Variants in CFAP299 observed in about 807,000 individuals in gnomAD.
CFAP299 encodes cilia- and flagella-associated protein 299.
CFAP299 carries 21 observed loss-of-function variants against 27.0 expected under a neutral mutation model. That is an observed-to-expected ratio of 0.78 (90% CI 0.55 to 1.12). The LOEUF (loss-of-function observed/expected upper bound fraction) is 1.12. CFAP299 is among the 50% of genes most tolerant of loss of function. The probability of loss-of-function intolerance (pLI) is 0.00; values close to 1 mark genes in which losing one functional copy is unlikely to be tolerated. For missense variants in CFAP299, 310 were observed against 276.6 expected (o/e 1.12, Z -0.86); for synonymous variants, 104 against 98.1 (o/e 1.06, Z -0.36).
chr4:80,814,254 T>C (rs182019329), intron 3 of CFAP299, among the ~76,000 whole-genome samples: 16 of 152,202 alleles, frequency 1.1e-4, no homozygotes, highest in African/African-American at 3.8e-4. Flanking sequence ...TCCTTCAAAA[T>C]GTTTATTGAG....
chr4:80,627,937 T>TC (rs1394974961), intron 3 of CFAP299, among the ~76,000 whole-genome samples: 1 of 151,984 alleles, frequency 6.6e-6, no homozygotes, highest in African/African-American at 2.4e-5. Flanking sequence ...TCAACAGAAT[T>TC]CCTATCAAAA....
intron 2 of CFAP299, among the ~76,000 whole-genome samples, chr4:80,370,976 G>C (rs1241844815): frequency 6.6e-6 from 1 of 152,246 alleles, no homozygotes; most frequent in East Asian, 1.9e-4. Flanking sequence ...TTCTCCATGA[G>C]GGTTCTGCCC....
chr4:80,353,977 GA>G (rs1212252925), intron 1 of CFAP299, among the ~76,000 whole-genome samples: 1 of 152,168 alleles, frequency 6.6e-6, no homozygotes, highest in Non-Finnish European at 1.5e-5. Context: ...TTTGGAGTAA[GA>G]ACTATTAAGA....
chr4:80,434,346 A>G (rs543665917), intron 2 of CFAP299, among the ~76,000 whole-genome samples: 1 of 152,178 alleles, frequency 6.6e-6, no homozygotes, highest in Admixed American at 6.5e-5. Flanking sequence ...ACCTGTTGCT[A>G]TGGAGTAAGG....
chr4:80,926,545 T>C (rs1215643745), intron 4 of CFAP299, among the ~76,000 whole-genome samples: 1 of 151,854 alleles, frequency 6.6e-6, no homozygotes, highest in Admixed American at 6.6e-5. Flanking sequence ...CTGTAAGACG[T>C]GATGAAAGAC....
intron 4 of CFAP299, among the ~76,000 whole-genome samples, chr4:80,910,114 A>G (rs1028899885): frequency 5.3e-5 from 8 of 152,126 alleles, no homozygotes; most frequent in Non-Finnish European, 1.0e-4. Context: ...TCACATCTAA[A>G]CTTTACCCCA....
At chr4:80,521,768 T>C in intron 2 of CFAP299, among the ~76,000 whole-genome samples, 1 of 151,886 alleles carries the variant, frequency 6.6e-6, no homozygotes, top group Non-Finnish European at 1.5e-5. Context: ...GGTTCATCCA[T>C]ATTGTAGCAC....
chr4:80,747,651 A>G (rs1724699339), intron 3 of CFAP299, among the ~76,000 whole-genome samples: 1 of 152,030 alleles, frequency 6.6e-6, no homozygotes, highest in Non-Finnish European at 1.5e-5. Context: ...ACTTGACTAC[A>G]TAGTAGTTCA....
intron 5 of CFAP299, among the ~76,000 whole-genome samples, chr4:80,962,489 G>A (rs139401802): frequency 1.3e-3 from 200 of 151,810 alleles, no homozygotes; most frequent in African/African-American, 4.7e-3. Context: ...CATGGCACAT[G>A]TATACATATG....
At chr4:80,802,681 A>G (rs999022746) in intron 3 of CFAP299, among the ~76,000 whole-genome samples, 25 of 152,118 alleles carry the variant, frequency 1.6e-4, no homozygotes, top group Non-Finnish European at 2.8e-4. Context: ...TATCTCCTTC[A>G]CTAAGCATAA....
chr4:80,863,210 T>C (rs192644361), intron 3 of CFAP299, among the ~76,000 whole-genome samples: 1 of 152,032 alleles, frequency 6.6e-6, no homozygotes, highest in East Asian at 1.9e-4. Flanking sequence ...GCTTTTTTTT[T>C]TTTTTTTAAG....
At chr4:80,937,021 A>T (rs1387515087) in intron 4 of CFAP299, among the ~76,000 whole-genome samples, 1 of 151,866 alleles carries the variant, frequency 6.6e-6, no homozygotes, top group Non-Finnish European at 1.5e-5. Flanking sequence ...TGGCTGGGTG[A>T]TCTATCCAAT....
chr4:80,697,760 A>G (rs1285211621), intron 3 of CFAP299, among the ~76,000 whole-genome samples: 2 of 152,202 alleles, frequency 1.3e-5, no homozygotes, highest in African/African-American at 2.4e-5. Flanking sequence ...GCTGCCATCC[A>G]GCTTTCAATG....
intron 3 of CFAP299, among the ~76,000 whole-genome samples, chr4:80,715,254 T>G (rs1428206327): frequency 1.3e-5 from 2 of 152,082 alleles, no homozygotes; most frequent in Non-Finnish European, 2.9e-5. Flanking sequence ...GCTATGTGAT[T>G]TGGTTGGAAC....
At chr4:80,653,087 C>T (rs751331962) in intron 3 of CFAP299, among the ~76,000 whole-genome samples, 1 of 152,110 alleles carries the variant, frequency 6.6e-6, no homozygotes, top group Non-Finnish European at 1.5e-5. Flanking sequence ...TGATGGTTTC[C>T]ATCCTACATC....
chr4:80,525,300 C>T (rs753789007), intron 2 of CFAP299, among the ~76,000 whole-genome samples: 5 of 152,082 alleles, frequency 3.3e-5, no homozygotes, highest in Admixed American at 6.6e-5. Context: ...CAGGATGTGT[C>T]GGCCACAGTG....
intron 2 of CFAP299, among the ~76,000 whole-genome samples, chr4:80,517,714 G>A (rs1732654718): frequency 6.6e-6 from 1 of 152,116 alleles, no homozygotes; most frequent in Admixed American, 6.6e-5. Flanking sequence ...CAGATCTATA[G>A]TTAGGCACTG....
intron 2 of CFAP299, among the ~76,000 whole-genome samples, chr4:80,414,184 C>T (rs1726884865): frequency 6.7e-6 from 1 of 148,706 alleles, no homozygotes; most frequent in Admixed American, 6.7e-5. Context: ...CATTCTCCTG[C>T]CTCAGCCTCC....
chr4:80,730,604 A>G (rs2110055091), intron 3 of CFAP299, among the ~76,000 whole-genome samples: 1 of 152,234 alleles, frequency 6.6e-6, no homozygotes, highest in South Asian at 2.1e-4. Flanking sequence ...CTCCCAGTCA[A>G]GCCTTAAGAT....
Sources: gnomAD v4.1 joint callset for allele counts (sites outside exome capture counted in the v4.1 genomes callset) on GRCh38, gnomAD v4.1.1 for gene constraint, MANE v1.5 for transcripts, NCBI Gene and HGNC (gene_info 2026-07-23, HGNC 2026-07-21) for gene names.